SNN: variants seen among roughly 807,000 people sequenced by gnomAD.
SNN encodes the protein stannin, also known as AG8_1.
Under a neutral mutation model 5.3 loss-of-function variants are expected in SNN, and 5 were observed. The ratio of observed to expected loss-of-function variants is 0.94; its 90% CI spans 0.49 to 1.97. The LOEUF (loss-of-function observed/expected upper bound fraction) is 1.97. Among genes scored for constraint, SNN ranks in the 30% most tolerant of loss-of-function variants. The pLI is 0.01. For synonymous variants in SNN, 67 were observed against 52.1 expected (o/e 1.29, Z -1.24); for missense variants, 127 against 121.6 (o/e 1.04, Z -0.21).
rs1332540855 is a variant in SNN at position 11,668,494 on chromosome 16, C to CGCGGGGCTGCT, written c.-124_-114dup. On this transcript the variant is annotated 5_prime_UTR_variant, in exon 1 of 2. Coordinates refer to ENST00000329565, the MANE Select transcript of SNN (RefSeq NM_003498.6). The surrounding 1 kb of genome is among the most constrained non-coding windows in gnomAD (Gnocchi z 6.8). ...CGGACCGGGCGGGCGGAGCCGGGCC[C>CGCGGGGCTGCT]GCGGGGCTGCTGCGGGGCGATCGGG... 2.5e-4 allele frequency: 37 copies of CGCGGGGCTGCT among 145,230 alleles called. No homozygotes were observed. The highest frequency in any genetic ancestry group is 5.4e-4 in the Non-Finnish European group (35 of 65,390). The allele number at this position is 145,230 out of a possible 1,614,324, so 9.0% of individuals were successfully genotyped here.
rs542743830 is a variant in SNN at position 11,670,245 on chromosome 16, G to A, written c.-86+1705G>A. Reference sequence around the variant, plus strand: ...GGGGGGAGGCAGTACTGAAAGCCCCGTAGGGATGGCTGGTCCCCTGTAAGC... The same window carrying A: ...GGGGGGAGGCAGTACTGAAAGCCCCATAGGGATGGCTGGTCCCCTGTAAGC... On this transcript the variant is annotated intron_variant, in intron 1 of 1. Coordinates refer to ENST00000329565, the MANE Select transcript of SNN (RefSeq NM_003498.6). Among the ~76,000 whole-genome samples, 15 of 151,932 alleles carry A rather than the reference G, an allele frequency of 9.9e-5. No individual in the cohort carries two copies. In the East Asian group the frequency reaches 1.7e-3, roughly 18 times the overall value.
rs542839525 is a variant in SNN at position 11,676,422 on chromosome 16, C to G, written c.*96C>G. 1.1e-5 allele frequency: 15 copies of G among 1,396,218 alleles called. No individual in the cohort carries two copies. In the African/African-American group the frequency reaches 2.0e-4, roughly 19 times the overall value. 86.5% of individuals were successfully genotyped at this position (1,396,218 alleles called of 1,614,324 possible). On this transcript the variant is annotated 3_prime_UTR_variant, in exon 2 of 2. Transcript: ENST00000329565. ...ATGCGCTGCTGTCTGAGAGGAAGGGCTGACACTTGCTGGCATGGCCTCTGC... is the reference window on the plus strand; with the variant it reads ...ATGCGCTGCTGTCTGAGAGGAAGGGGTGACACTTGCTGGCATGGCCTCTGC...
intron 1 of SNN, among the ~76,000 whole-genome samples, chr16:11,669,479 G>A (rs897966811): frequency 6.6e-6 from 1 of 152,218 alleles, no homozygotes; most frequent in African/African-American, 2.4e-5. Context: ...GAATCCCTGC[G>A]CGTCTACTTT....
Position 11,678,200 on chromosome 16 carries a change from G to A in SNN, c.*1874G>A, listed in dbSNP as rs1192459860. ...CTGGGTGGGCAGGACACGTGGTGGG[G>A]GCCACTGAAACCAGGCCTAGGAGGG... On this transcript the variant is annotated 3_prime_UTR_variant, in exon 2 of 2. Coordinates refer to ENST00000329565, the MANE Select transcript of SNN (RefSeq NM_003498.6). 6.0e-6 allele frequency: 1 copy of A among 166,278 alleles called. No individual in the cohort carries two copies. Among genetic ancestry groups the A allele is most frequent in the Non-Finnish European group, 1.5e-5 (1 of 68,162 alleles). 10.3% of individuals were successfully genotyped at this position (166,278 alleles called of 1,614,324 possible). A position where few individuals can be genotyped will look rare whatever the true frequency, so the allele number is the denominator to read the frequency against.
Position 11,672,473 on chromosome 16 carries a change from G to A in SNN, c.-85-3502G>A, listed in dbSNP as rs928749090. 3.9e-5 allele frequency among the ~76,000 whole-genome samples: 6 copies of A among 152,226 alleles called. No individual in the cohort carries two copies. Among genetic ancestry groups the A allele is most frequent in the Admixed American group, 1.3e-4 (2 of 15,292 alleles). ...TGGGGCGGTCAGGGCAGAGGTGGGA[G>A]CGTGGGCTCGCAGCGGAGGGTGTGG... On this transcript the variant is annotated intron_variant, in intron 1 of 1. Coordinates refer to ENST00000329565, the MANE Select transcript of SNN (RefSeq NM_003498.6). This position sits in a 1 kb window ranked among gnomAD's most constrained non-coding sequence, Gnocchi z 6.0.
chr16:11,674,210 C>T (rs1214444516), intron 1 of SNN, among the ~76,000 whole-genome samples: 2 of 152,240 alleles, frequency 1.3e-5, no homozygotes, highest in Admixed American at 6.5e-5. Flanking sequence ...AAAAGCCAGA[C>T]GTGTCGTTCT....
intron 1 of SNN, among the ~76,000 whole-genome samples, chr16:11,673,394 A>G (rs778962007): frequency 1.1e-4 from 17 of 152,162 alleles, no homozygotes; most frequent in Non-Finnish European, 1.8e-4. Context: ...TCCAGAAGCC[A>G]GGGTTGCATG....
rs1311300907 is a variant in SNN, at chr16:11,668,503, G to A, written c.-123G>A. On this transcript the variant is annotated 5_prime_UTR_variant, in exon 1 of 2. Coordinates refer to ENST00000329565, the MANE Select transcript of SNN (RefSeq NM_003498.6). This position sits in a 1 kb window ranked among gnomAD's most constrained non-coding sequence, Gnocchi z 6.8. Reference sequence around the variant, plus strand: ...CGGGCGGAGCCGGGCCCGCGGGGCTGCTGCGGGGCGATCGGGCCGGGCCGC... The same window carrying A: ...CGGGCGGAGCCGGGCCCGCGGGGCTACTGCGGGGCGATCGGGCCGGGCCGC... 1 of 145,766 alleles carries A rather than the reference G, an allele frequency of 6.9e-6. No individual in the cohort carries two copies. The highest frequency in any genetic ancestry group is 2.0e-4 in the East Asian group (1 of 4,994). 9.0% of individuals were successfully genotyped at this position (145,766 alleles called of 1,614,324 possible).
intron 1 of SNN, among the ~76,000 whole-genome samples, chr16:11,674,197 A>G (rs2050283847): frequency 1.3e-5 from 2 of 152,208 alleles, no homozygotes; most frequent in Non-Finnish European, 2.9e-5. Flanking sequence ...TCCAAAGGGA[A>G]CAAAAAGCCA....
intron 1 of SNN, among the ~76,000 whole-genome samples, chr16:11,669,007 C>A (rs1158995895): frequency 6.6e-6 from 1 of 152,138 alleles, no homozygotes; most frequent in Non-Finnish European, 1.5e-5. Flanking sequence ...CGCCCGGTTC[C>A]GTGGGCAGCG....
chr16:11,675,012 T>A (rs2050289388), intron 1 of SNN, among the ~76,000 whole-genome samples: 1 of 152,084 alleles, frequency 6.6e-6, no homozygotes, highest in South Asian at 2.1e-4. Context: ...CCCGGGACAC[T>A]CTACCCTGTT....
In SNN at chr16:11,671,211, C is replaced by T. The variant is rs2050264137; in HGVS notation, c.-86+2671C>T. On this transcript the variant is annotated intron_variant, in intron 1 of 1. Transcript: ENST00000329565. The surrounding 1 kb of genome is among the most constrained non-coding windows in gnomAD (Gnocchi z 4.7). ...TGCTGGGGCAGGGGGTTCTGGAGAGCCTGGGCCTTGGATCTTGCTTTTATA... is the reference window on the plus strand; with the variant it reads ...TGCTGGGGCAGGGGGTTCTGGAGAGTCTGGGCCTTGGATCTTGCTTTTATA... 6.6e-6 allele frequency among the ~76,000 whole-genome samples: 1 copy of T among 152,118 alleles called. No individual in the cohort carries two copies. The highest frequency in any genetic ancestry group is 2.1e-4 in the South Asian group (1 of 4,820).
chr16:11,669,299 C>T (rs1465718608), intron 1 of SNN, among the ~76,000 whole-genome samples: 3 of 152,210 alleles, frequency 2.0e-5, no homozygotes, highest in African/African-American at 7.2e-5. Flanking sequence ...GCGCTGTCAC[C>T]CCTAAGTCCC....
intron 1 of SNN, among the ~76,000 whole-genome samples, chr16:11,669,055 C>T (rs1258320034): frequency 2.0e-5 from 3 of 152,172 alleles, no homozygotes; most frequent in African/African-American, 7.2e-5. Context: ...CCCTGGTCCC[C>T]GTCCCACACC....
chr16:11,674,602 C>G (rs933524604), intron 1 of SNN, among the ~76,000 whole-genome samples: 4 of 152,240 alleles, frequency 2.6e-5, no homozygotes, highest in Admixed American at 6.5e-5. Context: ...CCTCCAACTT[C>G]TGGCGTCATT....
At position 11,678,996 on chromosome 16, in the gene SNN, G is replaced by A; in HGVS notation, c.*2670G>A. The A allele has an allele frequency of 1.6e-6, 1 of 636,984 alleles. No homozygotes were observed. The highest frequency in any genetic ancestry group is 2.7e-6 in the Non-Finnish European group (1 of 364,864). The allele number at this position is 636,984 out of a possible 1,614,324, so 39.5% of individuals were successfully genotyped here. A position where few individuals can be genotyped will look rare whatever the true frequency, so the allele number is the denominator to read the frequency against. On this transcript the variant is annotated 3_prime_UTR_variant, in exon 2 of 2. Transcript: ENST00000329565. ...AAATCTTCAAACGGACTGTGCTACTGTATTTGTCTCAAAGCTACCAAGTTT... is the reference window on the plus strand; with the variant it reads ...AAATCTTCAAACGGACTGTGCTACTATATTTGTCTCAAAGCTACCAAGTTT...
intron 1 of SNN, among the ~76,000 whole-genome samples, chr16:11,669,479 G>C (rs897966811): frequency 6.6e-6 from 1 of 152,218 alleles, no homozygotes; most frequent in Non-Finnish European, 1.5e-5. Context: ...GAATCCCTGC[G>C]CGTCTACTTT....
Position 11,676,451 on chromosome 16 carries a change from C to A in SNN, c.*125C>A. Reference sequence around the variant, plus strand: ...CACTTGCTGGCATGGCCTCTGCGGGCTTCGTCATCGCATGCACTGATGCCC... The same window carrying A: ...CACTTGCTGGCATGGCCTCTGCGGGATTCGTCATCGCATGCACTGATGCCC... On this transcript the variant is annotated 3_prime_UTR_variant, in exon 2 of 2. Coordinates refer to ENST00000329565, the MANE Select transcript of SNN (RefSeq NM_003498.6). 8.1e-7 allele frequency: 1 copy of A among 1,230,326 alleles called. No individual in the cohort carries two copies. The highest frequency in any genetic ancestry group is 1.1e-6 in the Non-Finnish European group (1 of 889,818). 76.2% of individuals were successfully genotyped at this position (1,230,326 alleles called of 1,614,324 possible). A position where few individuals can be genotyped will look rare whatever the true frequency, so the allele number is the denominator to read the frequency against.
chr16:11,678,179 G>A lies in SNN; in HGVS notation c.*1853G>A, dbSNP rs2050323962. 1 of 167,202 alleles carries A rather than the reference G, an allele frequency of 6.0e-6. No homozygotes were observed. The highest frequency in any genetic ancestry group is 1.5e-5 in the Non-Finnish European group (1 of 68,216). The allele number at this position is 167,202 out of a possible 1,614,324, so 10.4% of individuals were successfully genotyped here. ...TGTCAGCAGAAGCCCTGCAGGCTGG[G>A]TGGGCAGGACACGTGGTGGGGGCCA... On this transcript the variant is annotated 3_prime_UTR_variant, in exon 2 of 2. Transcript: ENST00000329565.
Sources: gnomAD v4.1 joint callset for allele counts (sites outside exome capture counted in the v4.1 genomes callset) on GRCh38, gnomAD v4.1.1 for gene constraint, Gnocchi (gnomAD v3.1) non-coding constraint, MANE v1.5 for transcripts, NCBI Gene and HGNC (gene_info 2026-07-23, HGNC 2026-07-21) for gene names.